CFAP418: variants seen among roughly 807,000 people sequenced by gnomAD.
The protein encoded by CFAP418 is cilia- and flagella-associated protein 418.
Under a neutral mutation model 24.7 loss-of-function variants are expected in CFAP418, and 27 were observed. The ratio of observed to expected loss-of-function variants is 1.09; its 90% CI spans 0.81 to 1.51. The LOEUF is 1.51. CFAP418 is among the 40% of genes most tolerant of loss of function. The pLI, the probability that CFAP418 is intolerant of heterozygous loss-of-function variation, is 0.00. For synonymous variants in CFAP418, 74 were observed against 87.3 expected, an observed-to-expected ratio of 0.85 and a Z score of 0.85; for missense variants, 257 against 255.2, an observed-to-expected ratio of 1.01 and a Z score of -0.05.
rs188494561 is a variant in CFAP418, at chr8:95,261,342, T to C, written c.244-810A>G. Among the ~76,000 whole-genome samples the C allele has an allele frequency of 2.8e-4, 43 of 152,302 alleles. 1 individual carries two copies. In the East Asian group the frequency reaches 8.1e-3, roughly 29 times the overall value. ...AAATGGAAAAAATTTTGGTACATGT[T>C]TGAAAAATAATAATATGCACGAATC... On this transcript the variant is annotated intron_variant, in intron 2 of 5. Transcript: ENST00000286688.
rs181260470 is a variant in CFAP418 at position 95,252,474 on chromosome 8, T to G, written c.375-191A>C. Among the ~76,000 whole-genome samples the G allele has an allele frequency of 2.4e-3, 359 of 152,352 alleles. 2 individuals are homozygous for G. Among genetic ancestry groups the G allele is most frequent in the African/African-American group, 8.3e-3 (346 of 41,578 alleles). ...TTACGGTCTAAACCTTAAGGTTAAATTTTTGCACAAACCTACCTATTTTAC... is the reference window on the plus strand; with the variant it reads ...TTACGGTCTAAACCTTAAGGTTAAAGTTTTGCACAAACCTACCTATTTTAC... On this transcript the variant is annotated intron_variant, in intron 4 of 5. Transcript: ENST00000286688.
rs189211889 is a variant in CFAP418, at chr8:95,260,630, T to C, written c.244-98A>G. On this transcript the variant is annotated intron_variant, in intron 2 of 5. Coordinates refer to ENST00000286688, the MANE Select transcript of CFAP418 (RefSeq NM_177965.4). ...ATAACAAGAATATTTTCTAAATGAC[T>C]TAAATACAAATTTTCATGGCATCAT... 2.1e-4 allele frequency: 136 copies of C among 657,240 alleles called. 1 individual carries two copies. In the East Asian group the frequency reaches 4.2e-3, roughly 20 times the overall value. 40.7% of individuals were successfully genotyped at this position (657,240 alleles called of 1,614,324 possible).
At chr8:95,266,352 A>G (rs1442961868) in intron 1 of CFAP418, among the ~76,000 whole-genome samples, 1 of 152,106 alleles carries the variant, frequency 6.6e-6, no homozygotes, top group Non-Finnish European at 1.5e-5. Flanking sequence ...TTTACTAATC[A>G]CATATTTCTT....
chr8:95,259,767 C>G (rs58375266), intron 4 of CFAP418, 73 bp downstream of exon 4: 1 of 1,060,538 alleles, frequency 9.4e-7, no homozygotes, highest in Non-Finnish European at 1.4e-6. Flanking sequence ...AAGATGATAA[C>G]TACATTTTAA....
At chr8:95,253,462 A>G (rs1261809297) in intron 4 of CFAP418, among the ~76,000 whole-genome samples, 1 of 152,048 alleles carries the variant, frequency 6.6e-6, no homozygotes, top group Non-Finnish European at 1.5e-5. Context: ...TTAAGCACAT[A>G]ATACTTCTGT....
At chr8:95,262,158 G>A (rs1811904347) in intron 2 of CFAP418, among the ~76,000 whole-genome samples, 1 of 152,188 alleles carries the variant, frequency 6.6e-6, no homozygotes, top group African/African-American at 2.4e-5. Context: ...GGTGGGTTCT[G>A]TAAGGCTGAC....
rs1215354927 is a variant in CFAP418 at position 95,266,939 on chromosome 8, G to A, written c.155+2096C>T. Among the ~76,000 whole-genome samples, 4 of 152,130 alleles carry A rather than the reference G, an allele frequency of 2.6e-5. No individual in the cohort carries two copies. In the East Asian group the frequency reaches 7.7e-4, roughly 29 times the overall value. On this transcript the variant is annotated intron_variant, in intron 1 of 5. Coordinates refer to ENST00000286688, the MANE Select transcript of CFAP418 (RefSeq NM_177965.4). The stretch of plus-strand genomic sequence containing the variant: ...TGAGCAGCTGGCTTCAATACATCCT[G>A]CCCCTCCGCATGCTAGTTCTCCTAA...
intron 5 of CFAP418, among the ~76,000 whole-genome samples, chr8:95,249,684 C>G (rs1811679642): frequency 6.6e-6 from 1 of 152,048 alleles, no homozygotes; most frequent in South Asian, 2.1e-4. Context: ...TAAAACTTCT[C>G]AAAGATAGGA....
intron 4 of CFAP418, among the ~76,000 whole-genome samples, chr8:95,255,899 T>G (rs1811779744): frequency 6.6e-6 from 1 of 152,220 alleles, no homozygotes; most frequent in African/African-American, 2.4e-5. Flanking sequence ...TTTCTATGGG[T>G]GCAAATTCTG....
rs1811626311 is a variant in CFAP418, at chr8:95,246,662, T to C, written c.*955A>G. On this transcript the variant is annotated 3_prime_UTR_variant, in exon 6 of 6. Coordinates refer to ENST00000286688, the MANE Select transcript of CFAP418 (RefSeq NM_177965.4). ...GAATGTGCTGCTATTGTAGGGCTCCTCAGATCTCAGTGATGTCAGGAAGGA... is the reference window on the plus strand; with the variant it reads ...GAATGTGCTGCTATTGTAGGGCTCCCCAGATCTCAGTGATGTCAGGAAGGA... 1.3e-5 allele frequency: 2 copies of C among 152,176 alleles called. No homozygotes were observed. Among genetic ancestry groups the C allele is most frequent in the Non-Finnish European group, 2.9e-5 (2 of 68,032 alleles). 9.4% of individuals were successfully genotyped at this position (152,176 alleles called of 1,614,324 possible). A position where few individuals can be genotyped will look rare whatever the true frequency, so the allele number is the denominator to read the frequency against.
At chr8:95,247,828 A>T in intron 5 of CFAP418, 58 bp from the exon 6 acceptor site, 3 of 983,802 alleles carry the variant, frequency 3.0e-6, no homozygotes, top group Non-Finnish European at 2.7e-6. Flanking sequence ...TTAATGATTA[A>T]AAAAAAAAAA....
intron 2 of CFAP418, among the ~76,000 whole-genome samples, chr8:95,262,166 G>T (rs551509217): frequency 6.6e-6 from 1 of 152,342 alleles, no homozygotes; most frequent in South Asian, 2.1e-4. Context: ...CTGTAAGGCT[G>T]ACTGTGGAAC....
chr8:95,264,498 G>A (rs1258329178), intron 1 of CFAP418, among the ~76,000 whole-genome samples: 2 of 152,160 alleles, frequency 1.3e-5, no homozygotes, highest in Non-Finnish European at 2.9e-5. Context: ...AAAAGGCACT[G>A]AGAGATTCAG....
At chr8:95,250,995 T>C (rs1811698076) in intron 5 of CFAP418, among the ~76,000 whole-genome samples, 1 of 152,240 alleles carries the variant, frequency 6.6e-6, no homozygotes, top group Non-Finnish European at 1.5e-5. Context: ...AATATTACAC[T>C]GTATTAATTT....
chr8:95,267,573 A>C (rs912059317), intron 1 of CFAP418, among the ~76,000 whole-genome samples: 2 of 152,376 alleles, frequency 1.3e-5, no homozygotes, highest in African/African-American at 4.8e-5. Context: ...TGGGCGACAG[A>C]GCGAAACTCA....
intron 5 of CFAP418, among the ~76,000 whole-genome samples, chr8:95,251,450 G>A (rs1811706865): frequency 6.6e-6 from 1 of 152,206 alleles, no homozygotes; most frequent in Admixed American, 6.5e-5. Context: ...ATACATTGTG[G>A]GAAGACAAAG....
chr8:95,257,962 C>A (rs35011650), intron 4 of CFAP418, among the ~76,000 whole-genome samples: 1 of 152,064 alleles, frequency 6.6e-6, no homozygotes, highest in Non-Finnish European at 1.5e-5. Context: ...GTTGTACCCC[C>A]GCAACAAAGA....
chr8:95,268,697 C>G (rs113940547), intron 1 of CFAP418: 4,116 of 167,124 alleles, frequency 0.025, 139 homozygotes, highest in African/African-American at 0.029. Context: ...GAACCTCCTA[C>G]GCGCTGGCAG....
chr8:95,258,282 T>G (rs1417223218), intron 4 of CFAP418, among the ~76,000 whole-genome samples: 1 of 147,366 alleles, frequency 6.8e-6, no homozygotes, highest in African/African-American at 2.5e-5. Flanking sequence ...CTCGGGAGGC[T>G]GAGGCAGGAG....
Sources: allele counts gnomAD v4.1 joint callset (sites outside exome capture counted in the v4.1 genomes callset), GRCh38; gene constraint gnomAD v4.1.1; transcripts MANE v1.5; gene names NCBI Gene and HGNC (gene_info 2026-07-23, HGNC 2026-07-21).